Variants in PPP6R2 observed in about 807,000 individuals in gnomAD.
PPP6R2 encodes protein phosphatase 6 regulatory subunit 2, also known as serine/threonine-protein phosphatase 6 regulatory subunit 2.
A neutral mutation model predicts 100.2 loss-of-function variants in PPP6R2; 62 were observed. The ratio of observed to expected loss-of-function variants is 0.62; its 90% CI spans 0.50 to 0.76. The LOEUF (loss-of-function observed/expected upper bound fraction) is 0.76. Among genes scored for constraint, PPP6R2 ranks in the 30% least tolerant of loss-of-function variants. The probability of loss-of-function intolerance (pLI) is 0.00; values close to 1 mark genes in which losing one functional copy is unlikely to be tolerated. For synonymous variants in PPP6R2, 525 were observed against 514.7 expected (o/e 1.02, Z -0.27); for missense variants, 1,142 against 1,276.3 (o/e 0.89, Z 1.60).
intron 1 of PPP6R2, among the ~76,000 whole-genome samples, chr22:50,360,122 G>A (rs1400361686): frequency 3.3e-5 from 5 of 150,100 alleles, no homozygotes; most frequent in African/African-American, 7.4e-5. Flanking sequence ...GCACAATGTC[G>A]GCTCACTGCA....
chr22:50,434,904 G>A, intron 12 of PPP6R2, 62 bp from the exon 13 acceptor site: 1 of 1,463,224 alleles, frequency 6.8e-7, no homozygotes. Flanking sequence ...TTGGCTCTCT[G>A]GGTCGTGGGT....
At chr22:50,338,470 T>TATGTG (rs544092744), upstream of PPP6R2, among the ~76,000 whole-genome samples, 60,499 of 129,346 alleles carry the variant, frequency 0.47, 14,594 homozygotes, top group African/African-American at 0.69. Flanking sequence ...TAGTGTGTGT[T>TATGTG]ATGTGTGTGT....
At chr22:50,428,411 A>T (rs141417722) in intron 10 of PPP6R2, among the ~76,000 whole-genome samples, 1 of 151,958 alleles carries the variant, frequency 6.6e-6, no homozygotes, top group South Asian at 2.1e-4. Flanking sequence ...AGAATTTTCT[A>T]TGTGTAAGAT....
At chr22:50,383,390 T>G (rs1250393409) in intron 2 of PPP6R2, among the ~76,000 whole-genome samples, 1 of 152,182 alleles carries the variant, frequency 6.6e-6, no homozygotes, top group Non-Finnish European at 1.5e-5. Context: ...ATTGACTGTA[T>G]TTTTTAGTTT....
intron 6 of PPP6R2, among the ~76,000 whole-genome samples, chr22:50,417,216 G>C (rs1045455264): frequency 2.6e-5 from 4 of 152,162 alleles, no homozygotes; most frequent in African/African-American, 9.7e-5. Flanking sequence ...CCTCAGGGCT[G>C]TGGGCCGAGG....
intron 1 of PPP6R2, among the ~76,000 whole-genome samples, chr22:50,363,696 G>A (rs1200767857): frequency 3.3e-5 from 5 of 152,176 alleles, no homozygotes; most frequent in African/African-American, 7.2e-5. Context: ...CGGACCTGGA[G>A]TCCTACTAGA....
Position 50,350,309 on chromosome 22 carries a change from C to G in PPP6R2, c.-148+6759C>G, listed in dbSNP as rs536934104. 1.3e-4 allele frequency among the ~76,000 whole-genome samples: 20 copies of G among 151,402 alleles called. No individual in the cohort carries two copies. In the South Asian group the frequency reaches 1.5e-3, roughly 11 times the overall value. Reference sequence around the variant, plus strand: ...GCAGTGGTGCAATCTTGGCTCACTGCAACCTCTGCCTCCCGAGTTCAAGCG... The same window carrying G: ...GCAGTGGTGCAATCTTGGCTCACTGGAACCTCTGCCTCCCGAGTTCAAGCG... On this transcript the variant is annotated intron_variant, in intron 1 of 23. Transcript: ENST00000612753.
chr22:50,415,140 G>A (rs1242563621), intron 5 of PPP6R2, among the ~76,000 whole-genome samples: 9 of 152,250 alleles, frequency 5.9e-5, no homozygotes, highest in Admixed American at 5.9e-4. Context: ...TTCTGATGGT[G>A]TTTAGTCAGT....
chr22:50,418,074 T>C (rs1222640816), intron 6 of PPP6R2, among the ~76,000 whole-genome samples: 2 of 152,226 alleles, frequency 1.3e-5, no homozygotes, highest in South Asian at 2.1e-4. Context: ...TTTCATTAGC[T>C]TACAGGACTC....
chr22:50,414,684 C>G lies in PPP6R2; in HGVS notation c.547C>G (p.Leu183Val). ...VEPAGLRQDV[L>V]HWLNEEKVIQ... is the part of the protein sequence containing the mutation. ...GCCAGCCGGGCTCCGGCAGGACGTC[C>G]TGCACGTGAGTGCGGGAGTCCCCCC... The change falls in exon 5 of 24, where the codon CTG becomes GTG. Residue 183 changes from leucine to valine, a missense_variant. Around this residue, in one of 2 missense-constraint regions of PPP6R2, gnomAD observed 592 missense variants for 758.9 expected, o/e 0.78. Transcript: ENST00000612753. The G allele has an allele frequency of 1.2e-6, 2 of 1,609,094 alleles. No individual in the cohort carries two copies. Among genetic ancestry groups the G allele is most frequent in the South Asian group, 1.1e-5 (1 of 90,814 alleles).
intron 1 of PPP6R2, among the ~76,000 whole-genome samples, chr22:50,354,385 T>G (rs2045995512): frequency 6.6e-6 from 1 of 152,186 alleles, no homozygotes; most frequent in Non-Finnish European, 1.5e-5. Context: ...AGTTACCAGT[T>G]GAGCTTCCCC....
At chr22:50,414,804 G>A (rs1603304079) in intron 5 of PPP6R2, 115 bp downstream of exon 5, 19 of 1,220,996 alleles carry the variant, frequency 1.6e-5, no homozygotes, top group African/African-American at 4.6e-5. Context: ...TCCACCTAGC[G>A]TGCATTTCTC....
intron 2 of PPP6R2, among the ~76,000 whole-genome samples, chr22:50,373,534 C>T (rs1428533477): frequency 1.3e-5 from 2 of 151,484 alleles, no homozygotes; most frequent in Non-Finnish European, 2.9e-5. Context: ...TGAGCCACCG[C>T]GCCCAGCCTA....
At chr22:50,347,585 C>G (rs1315224731) in intron 1 of PPP6R2, among the ~76,000 whole-genome samples, 1 of 152,104 alleles carries the variant, frequency 6.6e-6, no homozygotes, top group Non-Finnish European at 1.5e-5. Flanking sequence ...TTTGTCCACT[C>G]TCTTGTTACT....
intron 1 of PPP6R2, among the ~76,000 whole-genome samples, chr22:50,365,158 A>G (rs528250822): frequency 7.3e-5 from 10 of 137,192 alleles, no homozygotes; most frequent in African/African-American, 2.5e-4. Context: ...CGCAACCTCC[A>G]CCTCCCGGGT....
At chr22:50,337,694 G>GGT in the PPP6R2 span, among the ~76,000 whole-genome samples, 6 of 131,784 alleles carry the variant, frequency 4.6e-5, no homozygotes, top group African/African-American at 1.8e-4. Flanking sequence ...TATGTGGTGT[G>GGT]GTGTGTGTGC....
At position 50,431,175 on chromosome 22, in the gene PPP6R2, C is replaced by T. The variant is rs1164501944; in HGVS notation, c.1128C>T (p.Asp376=). ...CRLNTMDLLL[D]LFFKYTWNNF... ...TCTTCTGTCCTCTGTTTACCCAGGA[C>T]TTGTTCTTTAAGTACACCTGGAATA... Residue 376 remains aspartate (D), a splice_region_variant and synonymous_variant, in exon 11 of 24, where the codon GAC becomes GAT. Transcript: ENST00000612753. This position sits in a 1 kb window ranked among gnomAD's most constrained non-coding sequence, Gnocchi z 4.8. 1 of 1,609,016 alleles carries T rather than the reference C, an allele frequency of 6.2e-7. No individual in the cohort carries two copies. Among genetic ancestry groups the T allele is most frequent in the Non-Finnish European group, 8.5e-7 (1 of 1,175,714 alleles).
In PPP6R2 at chr22:50,363,988, G is replaced by A. The variant is rs1284861052; in HGVS notation, c.-147-8032G>A. Among the ~76,000 whole-genome samples the A allele has an allele frequency of 3.3e-5, 5 of 150,972 alleles. No individual in the cohort carries two copies. The East Asian group carries it at 5.8e-4, about 18-fold the overall frequency. The stretch of plus-strand genomic sequence containing the variant: ...CGGCCCACTGCAACCTTTGCCTCCC[G>A]GGTTCAGGCGATTCTCCTGCCTAAG... On this transcript the variant is annotated intron_variant, in intron 1 of 23. Transcript: ENST00000612753.
chr22:50,417,242 C>T (rs1321194853), intron 6 of PPP6R2, among the ~76,000 whole-genome samples: 1 of 152,064 alleles, frequency 6.6e-6, no homozygotes, highest in Non-Finnish European at 1.5e-5. Flanking sequence ...CTCAGCATTG[C>T]ACCACATGGG....
Sources: allele counts gnomAD v4.1 joint callset (sites outside exome capture counted in the v4.1 genomes callset), GRCh38; gene constraint gnomAD v4.1.1; regional missense constraint gnomAD v4.1.1; non-coding constraint Gnocchi (gnomAD v3.1); transcripts MANE v1.5; gene names NCBI Gene and HGNC (gene_info 2026-07-23, HGNC 2026-07-21).